Variants in GRM5 observed in about 807,000 individuals in gnomAD.
The protein encoded by GRM5 is glutamate metabotropic receptor 5, also known as metabotropic glutamate receptor 5.
GRM5 carries 19 observed loss-of-function variants against 83.1 expected under a neutral mutation model. That is an observed-to-expected ratio of 0.23 (90% CI 0.16 to 0.34). The LOEUF (loss-of-function observed/expected upper bound fraction) is 0.34. GRM5 is among the 10% of genes least tolerant of loss of function. GRM5 has a pLI of 1.00. For synonymous variants in GRM5, 675 were observed against 633.6 expected (o/e 1.07, Z -0.98); for missense variants, 1,160 against 1,588.3 (o/e 0.73, Z 4.58).
rs140848837 is a variant in GRM5, at chr11:88,729,496, T to C, written c.912-76093A>G. ...TAATGCTATCCCCATCAGGCTACCA[T>C]TGACTTTCTTCAAAGAATTAGTAAA... On this transcript the variant is annotated intron_variant, in intron 3 of 9. Transcript: ENST00000305447. Among the ~76,000 whole-genome samples the C allele has an allele frequency of 2.2e-4, 33 of 152,242 alleles. 1 individual carries two copies. The East Asian group carries it at 6.0e-3, about 28-fold the overall frequency.
intron 8 of GRM5, among the ~76,000 whole-genome samples, chr11:88,555,783 A>G (rs1304022410): frequency 1.3e-5 from 2 of 152,170 alleles, no homozygotes; most frequent in African/African-American, 4.8e-5. Context: ...TTGACTAAAT[A>G]TACATGAAAA....
chr11:88,549,689 C>T (rs1313515861), intron 8 of GRM5, among the ~76,000 whole-genome samples: 2 of 151,820 alleles, frequency 1.3e-5, no homozygotes, highest in Non-Finnish European at 2.9e-5. Context: ...GCTCTAGGGG[C>T]TTGATGTAGC....
intron 3 of GRM5, among the ~76,000 whole-genome samples, chr11:88,843,482 G>C (rs1944241963): frequency 1.3e-5 from 2 of 152,112 alleles, no homozygotes; most frequent in African/African-American, 4.8e-5. Flanking sequence ...ACCGTAATGA[G>C]GGTGGTATGT....
intron 2 of GRM5, chr11:88,911,818 T>C (rs1228991508): frequency 3.3e-6 from 1 of 306,942 alleles, no homozygotes; most frequent in Non-Finnish European, 6.9e-6. Flanking sequence ...ACAGTGGTTT[T>C]ACTTTCATTT....
At chr11:88,542,063 G>C (rs1942280344) in intron 8 of GRM5, among the ~76,000 whole-genome samples, 1 of 152,166 alleles carries the variant, frequency 6.6e-6, no homozygotes, top group Non-Finnish European at 1.5e-5. Context: ...AGCCTCCCCA[G>C]CCATGTGGAA....
At chr11:88,783,321 G>A (rs1194508015) in intron 3 of GRM5, among the ~76,000 whole-genome samples, 1 of 151,854 alleles carries the variant, frequency 6.6e-6, no homozygotes. Context: ...CTAAATTTTG[G>A]GTATCTTCCT....
chr11:88,917,879 TAGG>T (rs1945621179), intron 2 of GRM5, among the ~76,000 whole-genome samples: 1 of 151,810 alleles, frequency 6.6e-6, no homozygotes, highest in South Asian at 2.1e-4. Context: ...TGGCCTTAAA[TAGG>T]AGACAGAAAG....
chr11:88,682,965 G>T (rs2055313), intron 3 of GRM5, among the ~76,000 whole-genome samples: 2,687 of 150,574 alleles, frequency 0.018, 65 homozygotes, highest in East Asian at 0.096. Flanking sequence ...CAGCTGACAT[G>T]TTAGGCAACC....
Position 88,787,553 on chromosome 11 carries a change from G to A in GRM5, c.911+62353C>T, listed in dbSNP as rs1248516729. ...AAGAGTCTTCTCTTTTAAAGATCCT[G>A]TGTAGTGCGTGAATAGGACTGTGAC... On this transcript the variant is annotated intron_variant, in intron 3 of 9. Transcript: ENST00000305447. 2.0e-5 allele frequency among the ~76,000 whole-genome samples: 3 copies of A among 152,108 alleles called. No homozygotes were observed. In the East Asian group the frequency reaches 5.8e-4, roughly 29 times the overall value.
intron 8 of GRM5, among the ~76,000 whole-genome samples, chr11:88,543,633 CTT>C (rs57828466): frequency 3.0e-5 from 4 of 133,788 alleles, no homozygotes; most frequent in South Asian, 2.4e-4. Flanking sequence ...TCATGTTATC[CTT>C]TTTTTTTTTT....
intron 3 of GRM5, among the ~76,000 whole-genome samples, chr11:88,771,778 T>C (rs2135450624): frequency 6.6e-6 from 1 of 152,242 alleles, no homozygotes; most frequent in South Asian, 2.1e-4. Context: ...ACACTCATGG[T>C]TTTGAAGACT....
At chr11:88,648,994 T>C (rs1463617735) in intron 4 of GRM5, among the ~76,000 whole-genome samples, 3 of 146,068 alleles carry the variant, frequency 2.1e-5, no homozygotes, top group Non-Finnish European at 4.5e-5. Flanking sequence ...AAGAAAGTAA[T>C]ATACAAAGGA....
At chr11:88,794,087 C>A (rs918121603) in intron 3 of GRM5, among the ~76,000 whole-genome samples, 1 of 152,048 alleles carries the variant, frequency 6.6e-6, no homozygotes, top group Non-Finnish European at 1.5e-5. Flanking sequence ...CCTTTAGCCT[C>A]GAAAATTGCT....
chr11:88,924,145 AAT>A (rs1491324482), intron 2 of GRM5, among the ~76,000 whole-genome samples: 1 of 151,510 alleles, frequency 6.6e-6, no homozygotes, highest in East Asian at 1.9e-4. Flanking sequence ...AAAAAAAAAA[AAT>A]AAGAAATAAT....
rs1055193601 is a variant in GRM5 at position 88,924,529 on chromosome 11, A to C, written c.662-74374T>G. Among the ~76,000 whole-genome samples the C allele has an allele frequency of 8.7e-4, 133 of 152,118 alleles. 1 individual carries two copies. The highest frequency in any genetic ancestry group is 1.0e-4 in the Non-Finnish European group (7 of 67,994). ...ATATAATGAATCTGAAAGACATTAT[A>C]CTAAGTCAAATAAGCCAGACACAGG... On this transcript the variant is annotated intron_variant, in intron 2 of 9. Coordinates refer to ENST00000305447, the MANE Select transcript of GRM5 (RefSeq NM_001143831.3).
At chr11:89,063,911 G>T (rs1010963260) in intron 1 of GRM5, among the ~76,000 whole-genome samples, 107 of 152,082 alleles carry the variant, frequency 7.0e-4, no homozygotes, top group African/African-American at 2.5e-3. Context: ...CTTTTCACAT[G>T]TTTACCGTCA....
chr11:88,770,246 G>A (rs1486839019), intron 3 of GRM5, among the ~76,000 whole-genome samples: 1 of 151,894 alleles, frequency 6.6e-6, no homozygotes, highest in Admixed American at 6.6e-5. Flanking sequence ...CATGTAATAT[G>A]GTATACTGGA....
chr11:88,904,468 A>G (rs1424267684), intron 2 of GRM5, among the ~76,000 whole-genome samples: 1 of 152,224 alleles, frequency 6.6e-6, no homozygotes, highest in Non-Finnish European at 1.5e-5. Flanking sequence ...ATTCTAGCCA[A>G]GAGCAAATGA....
chr11:88,986,713 T>A (rs1319528078), intron 2 of GRM5, among the ~76,000 whole-genome samples: 1 of 145,520 alleles, frequency 6.9e-6, no homozygotes, highest in Non-Finnish European at 1.5e-5. Context: ...TATAGTCAGA[T>A]GAGTTTATTT....
Sources: gnomAD v4.1 joint callset for allele counts (sites outside exome capture counted in the v4.1 genomes callset) on GRCh38, gnomAD v4.1.1 for gene constraint, MANE v1.5 for transcripts, NCBI Gene and HGNC (gene_info 2026-07-23, HGNC 2026-07-21) for gene names.